Variants in DOT1L observed in about 807,000 individuals in gnomAD.
DOT1L encodes histone-lysine N-methyltransferase, H3 lysine-79 specific.
A neutral mutation model predicts 153.3 loss-of-function variants in DOT1L; 33 were observed. The observed-to-expected ratio is 0.22, with a 90% CI of 0.16 to 0.29. DOT1L has a LOEUF of 0.29. Among genes scored for constraint, DOT1L ranks in the 10% least tolerant of loss-of-function variants. The pLI is 1.00. For synonymous variants in DOT1L, 1,135 were observed against 965.1 expected (o/e 1.18, Z -3.26); for missense variants, 1,847 against 2,119.9 (o/e 0.87, Z 2.53).
At chr19:2,182,049 C>A (rs1449279195) in intron 2 of DOT1L, among the ~76,000 whole-genome samples, 7 of 151,964 alleles carry the variant, frequency 4.6e-5, no homozygotes, top group African/African-American at 1.7e-4. Flanking sequence ...TTGGGGAAAC[C>A]CTGTCTCTAC....
intron 8 of DOT1L, among the ~76,000 whole-genome samples, chr19:2,201,850 G>T (rs965516083): frequency 1.3e-5 from 2 of 152,230 alleles, no homozygotes; most frequent in African/African-American, 4.8e-5. Context: ...AGCCTGCTCT[G>T]GCTCTGGGCA....
chr19:2,188,656 G>A (rs2022656093), intron 3 of DOT1L, among the ~76,000 whole-genome samples: 1 of 152,200 alleles, frequency 6.6e-6, no homozygotes, highest in African/African-American at 2.4e-5. Flanking sequence ...GCCACTGTGT[G>A]TGACAGTGTT....
intron 1 of DOT1L, among the ~76,000 whole-genome samples, chr19:2,175,864 C>G (rs559361844): frequency 6.6e-6 from 1 of 152,128 alleles, no homozygotes; most frequent in Non-Finnish European, 1.5e-5. Context: ...ACGAGCAAAA[C>G]TCCGTCTCAA....
In DOT1L at chr19:2,191,596, G is replaced by T. The variant is rs547354263; in HGVS notation, c.493+356G>T. On this transcript the variant is annotated intron_variant, in intron 5 of 27. Coordinates refer to ENST00000398665, the MANE Select transcript of DOT1L (RefSeq NM_032482.3). This position sits in a 1 kb window ranked among gnomAD's most constrained non-coding sequence, Gnocchi z 6.8. ...CACTCGCTAGCCTGGGCCCCAGCCC[G>T]GGCCCCACCCACGGCTGCAGCCTGC... Among the ~76,000 whole-genome samples the T allele has an allele frequency of 6.6e-6, 1 of 152,116 alleles. No individual in the cohort carries two copies. Among genetic ancestry groups the T allele is most frequent in the Non-Finnish European group, 1.5e-5 (1 of 68,024 alleles).
intron 8 of DOT1L, 34 bp downstream of exon 8, chr19:2,199,973 G>C (rs1335140419): frequency 6.2e-7 from 1 of 1,609,904 alleles, no homozygotes; most frequent in African/African-American, 1.3e-5. Context: ...GGGCATGTGG[G>C]GTGTGCGCTC....
At chr19:2,224,729 G>C (rs901042627) in intron 25 of DOT1L, among the ~76,000 whole-genome samples, 11 of 152,146 alleles carry the variant, frequency 7.2e-5, no homozygotes, top group Non-Finnish European at 1.3e-4. Flanking sequence ...GTGCCTCCCA[G>C]CGTGCGCCAT....
Position 2,220,589 on chromosome 19 carries a change from G to A in DOT1L, c.2806+367G>A, listed in dbSNP as rs552646108. 771 of 458,402 alleles carry A rather than the reference G, an allele frequency of 1.7e-3. 5 individuals carry two copies. The highest frequency in any genetic ancestry group is 6.6e-3 in the South Asian group (427 of 64,480). The allele number at this position is 458,402 out of a possible 1,614,324, so 28.4% of individuals were successfully genotyped here. ...CAGCAGTGCCCAATGGCACACGACC[G>A]TGGGCCTCCGTGCTGGTAGCGGCAT... is the stretch of plus-strand genomic sequence containing the variant. On this transcript the variant is annotated intron_variant, in intron 23 of 27. Transcript: ENST00000398665. The surrounding 1 kb of genome is among the most constrained non-coding windows in gnomAD (Gnocchi z 4.5).
At chr19:2,168,729 C>G (rs149757178) in intron 1 of DOT1L, among the ~76,000 whole-genome samples, 1 of 152,206 alleles carries the variant, frequency 6.6e-6, no homozygotes, top group East Asian at 1.9e-4. Context: ...ATTCTCCTGT[C>G]TCAGCCTCCC....
chr19:2,219,161 C>G (rs935696492), intron 22 of DOT1L, among the ~76,000 whole-genome samples: 1 of 152,188 alleles, frequency 6.6e-6, no homozygotes, highest in East Asian at 1.9e-4. Flanking sequence ...CATGAGCCAC[C>G]GCACCCGGCC....
intron 18 of DOT1L, chr19:2,214,252 A>G (rs915676991): frequency 2.3e-6 from 2 of 875,958 alleles, no homozygotes; most frequent in Admixed American, 2.9e-5. Context: ...CGAGCATCCC[A>G]CCATCGTGGT....
intron 27 of DOT1L, chr19:2,228,332 G>T: frequency 7.5e-7 from 1 of 1,331,288 alleles, no homozygotes; most frequent in Non-Finnish European, 1.0e-6. Context: ...ACCTTTCGGG[G>T]GTTAAGCCGC....
At chr19:2,170,789 G>T (rs1446718750) in intron 1 of DOT1L, among the ~76,000 whole-genome samples, 3 of 152,198 alleles carry the variant, frequency 2.0e-5, no homozygotes, top group Non-Finnish European at 2.9e-5. Flanking sequence ...AGGACGATCT[G>T]TGGGATGCCC....
chr19:2,165,562 A>T (rs915112882), intron 1 of DOT1L, among the ~76,000 whole-genome samples: 6 of 152,226 alleles, frequency 3.9e-5, no homozygotes, highest in Admixed American at 2.6e-4. Context: ...AAAAACTGAA[A>T]GCAGAGGCCG....
In DOT1L at chr19:2,207,776, C is replaced by G; in HGVS notation, c.963+96C>G. ...CTCCTTTCTCATGTGGCCTCTGAGA[C>G]CCTCCCCTCAGAGCCCTCAACGCCC... is the stretch of plus-strand genomic sequence containing the variant. On this transcript the variant is annotated intron_variant, in intron 11 of 27. Transcript: ENST00000398665. This position sits in a 1 kb window ranked among gnomAD's most constrained non-coding sequence, Gnocchi z 4.5. 6 of 1,169,052 alleles carry G rather than the reference C, an allele frequency of 5.1e-6. No individual in the cohort carries two copies. Among genetic ancestry groups the G allele is most frequent in the Non-Finnish European group, 7.2e-6 (6 of 836,456 alleles). The allele number at this position is 1,169,052 out of a possible 1,614,324, so 72.4% of individuals were successfully genotyped here. A position where few individuals can be genotyped will look rare whatever the true frequency, so the allele number is the denominator to read the frequency against.
chr19:2,214,653 C>T, intron 19 of DOT1L, 57 bp downstream of exon 19: 1 of 1,591,286 alleles, frequency 6.3e-7, no homozygotes, highest in Non-Finnish European at 8.6e-7. Flanking sequence ...ATCAGCCTCC[C>T]TGTGACGTCG....
Position 2,222,977 on chromosome 19 carries a change from C to G in DOT1L, c.3391-304C>G. 1 of 434,680 alleles carries G rather than the reference C, an allele frequency of 2.3e-6. No individual in the cohort carries two copies. The highest frequency in any genetic ancestry group is 4.1e-6 in the Non-Finnish European group (1 of 244,854). The allele number at this position is 434,680 out of a possible 1,614,324, so 26.9% of individuals were successfully genotyped here. A position where few individuals can be genotyped will look rare whatever the true frequency, so the allele number is the denominator to read the frequency against. On this transcript the variant is annotated intron_variant, in intron 24 of 27. Coordinates refer to ENST00000398665, the MANE Select transcript of DOT1L (RefSeq NM_032482.3). This position sits in a 1 kb window ranked among gnomAD's most constrained non-coding sequence, Gnocchi z 6.5. ...TGCGGCCTGGCAGCCTGGGAAGAGG[C>G]GGCCGACAGCTGTCTCTGGGGTTCG...
Position 2,216,504 on chromosome 19 carries a change from A to C in DOT1L, c.2147A>C (p.Gln716Pro). The C allele has an allele frequency of 6.2e-7, 1 of 1,612,602 alleles. No individual in the cohort carries two copies. The highest frequency in any genetic ancestry group is 1.7e-4 in the Middle Eastern group (1 of 6,020). ...AGCCCGGAGCTCTCCATGAACGGCC[A>C]GGCTGCTGGCTATGAGCTCTGCGGT... Reference protein sequence around the residue: ...SMSPELSMNGQAAGYELCGVL... With the variant: ...SMSPELSMNGPAAGYELCGVL... The change falls in exon 20 of 28, where the codon CAG becomes CCG. Residue 716 changes from glutamine to proline, a missense_variant. By Grantham distance (76) the Gln-to-Pro change is moderately conservative (BLOSUM62 -1). This residue lies in a region of DOT1L where 281 missense variants were observed against 263.6 expected (regional missense o/e 1.07). Transcript: ENST00000398665.
At position 2,193,827 on chromosome 19, in the gene DOT1L, A is replaced by G; in HGVS notation, c.588+44A>G. On this transcript the variant is annotated intron_variant, in intron 6 of 27. Transcript: ENST00000398665. The surrounding 1 kb of genome is among the most constrained non-coding windows in gnomAD (Gnocchi z 5.9). Reference sequence around the variant, plus strand: ...CAGGGTGTGTTGGAGGCAGGGGACCATCAGAGAAAGTGACGCCCTGGGTGC... The same window carrying G: ...CAGGGTGTGTTGGAGGCAGGGGACCGTCAGAGAAAGTGACGCCCTGGGTGC... 6.3e-7 allele frequency: 1 copy of G among 1,596,106 alleles called. No individual in the cohort carries two copies. The highest frequency in any genetic ancestry group is 8.6e-7 in the Non-Finnish European group (1 of 1,168,268).
At position 2,193,748 on chromosome 19, in the gene DOT1L, G is replaced by A. The variant is rs767206745; in HGVS notation, c.553G>A (p.Val185Ile). The change falls in exon 6 of 28, where the codon GTC becomes ATC. Residue 185 changes from valine to isoleucine, a missense_variant. Val to Ile is a conservative substitution (Grantham distance 29, BLOSUM62 3). Transcript: ENST00000398665. The surrounding 1 kb of genome is among the most constrained non-coding windows in gnomAD (Gnocchi z 5.9). The part of the protein sequence containing the change: ...AATNCKHHYG[V>I]EKADIPAKYA... Reference sequence around the variant, plus strand: ...CACCAACTGCAAACATCACTATGGCGTCGAGAAAGCAGACATCCCGGCCAA... The same window carrying A: ...CACCAACTGCAAACATCACTATGGCATCGAGAAAGCAGACATCCCGGCCAA... 1.9e-6 allele frequency: 3 copies of A among 1,614,130 alleles called. No homozygotes were observed. Among genetic ancestry groups the A allele is most frequent in the Admixed American group, 1.7e-5 (1 of 60,030 alleles).
Sources: gnomAD v4.1 joint callset for allele counts (sites outside exome capture counted in the v4.1 genomes callset) on GRCh38, gnomAD v4.1.1 for gene constraint, gnomAD v4.1.1 regional missense constraint, Gnocchi (gnomAD v3.1) non-coding constraint, MANE v1.5 for transcripts, NCBI Gene and HGNC (gene_info 2026-07-23, HGNC 2026-07-21) for gene names.